GUCY1A2: variants seen among roughly 807,000 people sequenced by gnomAD.
GUCY1A2 encodes guanylate cyclase 1 soluble subunit alpha 2.
In GUCY1A2, 27 loss-of-function variants were observed where a neutral mutation model predicts 63.5. The ratio of observed to expected loss-of-function variants is 0.43; its 90% CI spans 0.31 to 0.59. The LOEUF (loss-of-function observed/expected upper bound fraction) is 0.59. Among genes scored for constraint, GUCY1A2 ranks in the 20% least tolerant of loss-of-function variants. GUCY1A2 has a pLI of 0.11. For missense variants in GUCY1A2, 768 were observed against 913.3 expected, an observed-to-expected ratio of 0.84 and a Z score of 2.05; for synonymous variants, 364 against 343.5, an observed-to-expected ratio of 1.06 and a Z score of -0.66.
intron 4 of GUCY1A2, among the ~76,000 whole-genome samples, chr11:106,822,257 C>T (rs376773796): frequency 9.2e-5 from 14 of 152,086 alleles, no homozygotes; most frequent in Non-Finnish European, 7.4e-5. Context: ...CATTACCATA[C>T]GAACAATTTT....
At chr11:106,842,532 G>A (rs1274153960) in intron 4 of GUCY1A2, among the ~76,000 whole-genome samples, 1 of 151,950 alleles carries the variant, frequency 6.6e-6, no homozygotes, top group East Asian at 1.9e-4. Flanking sequence ...ACTATTTCTT[G>A]TTCTTCTTGC....
chr11:107,008,698 A>T (rs573890668), intron 1 of GUCY1A2, among the ~76,000 whole-genome samples: 1 of 152,360 alleles, frequency 6.6e-6, no homozygotes, highest in East Asian at 1.9e-4. Context: ...ATCAAGGTAC[A>T]ATACAATAAG....
chr11:106,888,952 C>G (rs1859938886), intron 4 of GUCY1A2, among the ~76,000 whole-genome samples: 1 of 151,726 alleles, frequency 6.6e-6, no homozygotes. Flanking sequence ...AAAGCCTCTT[C>G]AAAGGTACAA....
rs1460643431 is a variant in GUCY1A2, at chr11:107,018,088, G to A, written c.-33C>T. The A allele has an allele frequency of 2.2e-5, 31 of 1,392,972 alleles. No homozygotes were observed. The highest frequency in any genetic ancestry group is 2.7e-5 in the Non-Finnish European group (29 of 1,055,330). 86.3% of individuals were successfully genotyped at this position (1,392,972 alleles called of 1,614,324 possible). A position where few individuals can be genotyped will look rare whatever the true frequency, so the allele number is the denominator to read the frequency against. On this transcript the variant is annotated 5_prime_UTR_variant, in exon 1 of 8. Coordinates refer to ENST00000526355, the MANE Select transcript of GUCY1A2 (RefSeq NM_000855.3). ...GCGGAGCTGCAGCGGCCGAGGCGGT[G>A]GCGGCGAGGACGCGAGCGGCGGCGG...
chr11:106,978,034 T>C (rs983931815), intron 3 of GUCY1A2, among the ~76,000 whole-genome samples: 1 of 152,188 alleles, frequency 6.6e-6, no homozygotes, highest in African/African-American at 2.4e-5. Flanking sequence ...GGCTGTATAA[T>C]TGGCTGCAAT....
At chr11:106,885,857 T>C (rs1859891553) in intron 4 of GUCY1A2, among the ~76,000 whole-genome samples, 1 of 152,198 alleles carries the variant, frequency 6.6e-6, no homozygotes, top group South Asian at 2.1e-4. Context: ...GCTTATAAAA[T>C]GTTATTATTG....
intron 4 of GUCY1A2, among the ~76,000 whole-genome samples, chr11:106,849,119 T>C (rs1285475044): frequency 2.0e-5 from 3 of 151,490 alleles, no homozygotes; most frequent in Non-Finnish European, 4.4e-5. Flanking sequence ...GGTGCCATTC[T>C]ATAATTTTCT....
At chr11:106,806,788 C>T (rs527882691) in intron 5 of GUCY1A2, among the ~76,000 whole-genome samples, 41 of 152,276 alleles carry the variant, frequency 2.7e-4, no homozygotes, top group African/African-American at 9.9e-4. Context: ...GATATATGCA[C>T]AGCAAAATCC....
intron 4 of GUCY1A2, among the ~76,000 whole-genome samples, chr11:106,938,592 A>G (rs1860710170): frequency 6.6e-6 from 1 of 152,216 alleles, no homozygotes; most frequent in African/African-American, 2.4e-5. Context: ...ATGGAACTAT[A>G]CAAATTTCTG....
At chr11:106,862,260 G>A (rs2135458048) in intron 4 of GUCY1A2, among the ~76,000 whole-genome samples, 1 of 152,022 alleles carries the variant, frequency 6.6e-6, no homozygotes, top group South Asian at 2.1e-4. Flanking sequence ...AAGTTCCTAA[G>A]TTTCTCATTG....
intron 4 of GUCY1A2, among the ~76,000 whole-genome samples, chr11:106,897,880 A>C (rs1464762234): frequency 6.6e-6 from 1 of 152,240 alleles, no homozygotes; most frequent in Non-Finnish European, 1.5e-5. Flanking sequence ...TTAAAAATCT[A>C]TGCTCCACAG....
intron 3 of GUCY1A2, among the ~76,000 whole-genome samples, chr11:106,978,393 T>C (rs563262907): frequency 1.5e-4 from 23 of 152,332 alleles, no homozygotes; most frequent in Non-Finnish European, 2.4e-4. Flanking sequence ...TTCCCTGGAA[T>C]TTAAGTATTT....
At chr11:106,980,843 T>C (rs1861325367) in intron 2 of GUCY1A2, among the ~76,000 whole-genome samples, 1 of 146,492 alleles carries the variant, frequency 6.8e-6, no homozygotes, top group Non-Finnish European at 1.5e-5. Flanking sequence ...ACTCAAGAGG[T>C]GGAACAGGGA....
At chr11:106,954,916 G>A (rs1860961965) in intron 3 of GUCY1A2, among the ~76,000 whole-genome samples, 2 of 151,504 alleles carry the variant, frequency 1.3e-5, no homozygotes, top group Admixed American at 1.3e-4. Context: ...TTTAAGATGG[G>A]TCTCCTGAAT....
At chr11:106,877,035 T>C (rs1859759308) in intron 4 of GUCY1A2, among the ~76,000 whole-genome samples, 1 of 152,068 alleles carries the variant, frequency 6.6e-6, no homozygotes, top group Non-Finnish European at 1.5e-5. Context: ...GTTATAGTGA[T>C]GCACTTTGAA....
intron 3 of GUCY1A2, among the ~76,000 whole-genome samples, chr11:106,962,270 G>T (rs1490108696): frequency 6.6e-6 from 1 of 152,044 alleles, no homozygotes; most frequent in Non-Finnish European, 1.5e-5. Context: ...GTGTATATGG[G>T]GCTGGGTGTG....
chr11:106,796,965 T>C (rs1219970529), intron 5 of GUCY1A2, among the ~76,000 whole-genome samples: 1 of 152,092 alleles, frequency 6.6e-6, no homozygotes, highest in Non-Finnish European at 1.5e-5. Flanking sequence ...TTGGAGGCTT[T>C]GTTCATTTCT....
chr11:106,696,103 A>T (rs958359647), intron 7 of GUCY1A2, among the ~76,000 whole-genome samples: 2 of 152,146 alleles, frequency 1.3e-5, no homozygotes, highest in Admixed American at 1.3e-4. Flanking sequence ...ATCTTCTGGG[A>T]TGTTCCTATT....
intron 4 of GUCY1A2, among the ~76,000 whole-genome samples, chr11:106,899,202 A>G (rs1316058663): frequency 6.6e-6 from 1 of 152,218 alleles, no homozygotes; most frequent in East Asian, 1.9e-4. Context: ...AAGAAATAAC[A>G]TTAGGAAACA....
Sources: allele counts gnomAD v4.1 joint callset (sites outside exome capture counted in the v4.1 genomes callset), GRCh38; gene constraint gnomAD v4.1.1; transcripts MANE v1.5; gene names NCBI Gene and HGNC (gene_info 2026-07-23, HGNC 2026-07-21).